The following PTGER4 variants were observed in gnomAD, a reference collection of about 807,000 sequenced individuals.
PTGER4 encodes the protein prostaglandin E receptor 4.
Under a neutral mutation model 33.2 loss-of-function variants are expected in PTGER4, and 11 were observed. The ratio of observed to expected loss-of-function variants is 0.33; its 90% confidence interval spans 0.21 to 0.55. PTGER4 has a LOEUF of 0.55. Ranked by LOEUF, PTGER4 falls within the 20% of genes least tolerant of loss-of-function variation. The probability of loss-of-function intolerance (pLI) is 0.92; values close to 1 mark genes in which losing one functional copy is unlikely to be tolerated. For synonymous variants in PTGER4, 275 were observed against 281.5 expected (o/e 0.98, Z 0.23); for missense variants, 481 against 650.2 (o/e 0.74, Z 2.83).
chr5:40,728,048 G>T, the PTGER4 span, among the ~76,000 whole-genome samples: 12 of 151,970 alleles, frequency 7.9e-5, no homozygotes, highest in Non-Finnish European at 1.3e-4. Flanking sequence ...TTGGGAGGCC[G>T]AGGCTGGAGA....
At position 40,691,173 on chromosome 5, in the gene PTGER4, G is replaced by T. The variant is rs1579649981; in HGVS notation, c.868-606G>T. ...GTAGCTGGGATTATAGGCGTGTGCC[G>T]CCACACCTGGCTAATTTTTGTTTTT... On this transcript the variant is annotated intron_variant, in intron 2 of 2. Transcript: ENST00000302472. This position sits in a 1 kb window ranked among gnomAD's most constrained non-coding sequence, Gnocchi z 4.2. Among the ~76,000 whole-genome samples, 1 of 151,352 alleles carries T rather than the reference G, an allele frequency of 6.6e-6. No individual in the cohort carries two copies.
chr5:40,709,144 A>T, the PTGER4 span, among the ~76,000 whole-genome samples: 17 of 152,308 alleles, frequency 1.1e-4, no homozygotes, highest in African/African-American at 4.1e-4. Context: ...GCCCTCTCTC[A>T]CCACTCCTAT....
At chr5:40,689,806 G>A (rs186454219) in intron 2 of PTGER4, among the ~76,000 whole-genome samples, 371 of 152,200 alleles carry the variant, frequency 2.4e-3, no homozygotes, top group African/African-American at 8.6e-3. Context: ...TTCCTTGACT[G>A]TGAGACTCAA....
the PTGER4 span, among the ~76,000 whole-genome samples, chr5:40,702,543 T>C: frequency 2.6e-5 from 4 of 152,178 alleles, no homozygotes; most frequent in African/African-American, 4.8e-5. Flanking sequence ...CAAAGAGACA[T>C]AGATTCCAGA....
At chr5:40,699,498 T>G in the PTGER4 span, among the ~76,000 whole-genome samples, 1 of 152,130 alleles carries the variant, frequency 6.6e-6, no homozygotes, top group African/African-American at 2.4e-5. Context: ...CTTCTCAACA[T>G]TTTTTATGAG....
chr5:40,736,086 G>A, the PTGER4 span, among the ~76,000 whole-genome samples: 23 of 152,180 alleles, frequency 1.5e-4, no homozygotes, highest in Admixed American at 3.3e-4. Context: ...TCAGAACAAC[G>A]TTCCTGAGAA....
Position 40,691,146 on chromosome 5 carries a change from G to T in PTGER4, c.868-633G>T, listed in dbSNP as rs899061101. ...AGCCATTCTCCTGCCTCACCCTCCT[G>T]AGTAGCTGGGATTATAGGCGTGTGC... On this transcript the variant is annotated intron_variant, in intron 2 of 2. Transcript: ENST00000302472. The surrounding 1 kb of genome is among the most constrained non-coding windows in gnomAD (Gnocchi z 4.2). 6.6e-6 allele frequency among the ~76,000 whole-genome samples: 1 copy of T among 152,084 alleles called. No individual in the cohort carries two copies. The highest frequency in any genetic ancestry group is 2.4e-5 in the African/African-American group (1 of 41,428).
At chr5:40,731,336 G>T in the PTGER4 span, among the ~76,000 whole-genome samples, 2 of 149,870 alleles carry the variant, frequency 1.3e-5, no homozygotes, top group African/African-American at 2.5e-5. Context: ...CACATATCAT[G>T]CCTTTGTTAG....
At position 40,680,865 on chromosome 5, in the gene PTGER4, T is replaced by C; in HGVS notation, c.-43-86T>C. On this transcript the variant is annotated intron_variant, in intron 1 of 2. Transcript: ENST00000302472. The surrounding 1 kb of genome is among the most constrained non-coding windows in gnomAD (Gnocchi z 5.5). ...CGAGTTGCTCCCCTTGTCTTATCAG[T>C]GTATCGTTTCTCGGGCGCGGGTCTA... The C allele has an allele frequency of 7.7e-6, 9 of 1,163,416 alleles. No homozygotes were observed. Among genetic ancestry groups the C allele is most frequent in the East Asian group, 2.4e-5 (1 of 42,262 alleles). The allele number at this position is 1,163,416 out of a possible 1,614,324, so 72.1% of individuals were successfully genotyped here.
the PTGER4 span, among the ~76,000 whole-genome samples, chr5:40,735,793 G>A: frequency 1.3e-5 from 2 of 152,170 alleles, no homozygotes. Context: ...TGTGCTGAAT[G>A]ATGAGAAGCA....
At chr5:40,711,611 A>G in the PTGER4 span, among the ~76,000 whole-genome samples, 1 of 152,164 alleles carries the variant, frequency 6.6e-6, no homozygotes, top group African/African-American at 2.4e-5. Flanking sequence ...TATTCATAAT[A>G]GATCAAAACT....
the PTGER4 span, among the ~76,000 whole-genome samples, chr5:40,710,005 C>T: frequency 6.6e-6 from 1 of 152,188 alleles, no homozygotes. Context: ...CCATTCAGGA[C>T]ATAGGCATAG....
At chr5:40,684,135 C>CCCCA (rs563327895) in intron 2 of PTGER4, among the ~76,000 whole-genome samples, 1 of 120,832 alleles carries the variant, frequency 8.3e-6, no homozygotes, top group African/African-American at 3.1e-5. Context: ...CCCCCCCCCC[C>CCCCA]ACAATTCAGC....
chr5:40,730,145 G>A, the PTGER4 span: 1 of 745,222 alleles, frequency 1.3e-6, no homozygotes, highest in Non-Finnish European at 2.1e-6. Context: ...TTTTCCCAAA[G>A]AAACCGTATT....
downstream of PTGER4, among the ~76,000 whole-genome samples, chr5:40,698,394 A>AGT (rs1444250883): frequency 6.6e-6 from 1 of 152,200 alleles, no homozygotes; most frequent in Non-Finnish European, 1.5e-5. Flanking sequence ...AAGAGACCTA[A>AGT]GTTATAGTTA....
chr5:40,693,903 A>G (rs1741530622), downstream of PTGER4, among the ~76,000 whole-genome samples: 1 of 152,176 alleles, frequency 6.6e-6, no homozygotes, highest in Non-Finnish European at 1.5e-5. Context: ...AGAGAATGAC[A>G]CTTTACTCAA....
the PTGER4 span, among the ~76,000 whole-genome samples, chr5:40,702,884 T>G: frequency 6.6e-6 from 1 of 152,124 alleles, no homozygotes; most frequent in East Asian, 1.9e-4. Context: ...TAAAATTACA[T>G]GGAAATTAAA....
chr5:40,724,303 C>T, the PTGER4 span, among the ~76,000 whole-genome samples: 2 of 152,138 alleles, frequency 1.3e-5, no homozygotes, highest in Non-Finnish European at 2.9e-5. Context: ...TCCACTTATA[C>T]GATATCTCTA....
the PTGER4 span, among the ~76,000 whole-genome samples, chr5:40,731,760 C>T: frequency 2.6e-5 from 4 of 152,134 alleles, no homozygotes; most frequent in African/African-American, 9.7e-5. Flanking sequence ...TCTAAGATTG[C>T]CTTCCTACTC....
Sources: allele counts gnomAD v4.1 joint callset (sites outside exome capture counted in the v4.1 genomes callset), GRCh38; gene constraint gnomAD v4.1.1; non-coding constraint Gnocchi (gnomAD v3.1); transcripts MANE v1.5; gene names NCBI Gene and HGNC (gene_info 2026-07-23, HGNC 2026-07-21).